GMPS: variants seen among roughly 807,000 people sequenced by gnomAD.
GMPS encodes guanosine monophosphate synthase, also known as GMP synthase [glutamine-hydrolyzing].
GMPS carries 15 observed loss-of-function variants against 77.9 expected under a neutral mutation model. The observed-to-expected ratio is 0.19, with a 90% CI of 0.13 to 0.30. The LOEUF is 0.30. Ranked by LOEUF, GMPS falls within the 10% of genes least tolerant of loss-of-function variation. The pLI is 1.00. For missense variants in GMPS, 590 were observed against 838.8 expected (o/e 0.70, Z 3.66); for synonymous variants, 224 against 275.9 (o/e 0.81, Z 1.86).
At chr3:155,900,393 G>T (rs1397093909) in intron 3 of GMPS, among the ~76,000 whole-genome samples, 1 of 150,900 alleles carries the variant, frequency 6.6e-6, no homozygotes, top group Non-Finnish European at 1.5e-5. Context: ...TTGTCCCAAG[G>T]TGTAATATAT....
chr3:155,870,990 C>A (rs1577492669), intron 1 of GMPS, 93 bp downstream of exon 1: 1 of 1,180,378 alleles, frequency 8.5e-7, no homozygotes, highest in Non-Finnish European at 1.1e-6. Flanking sequence ...CCACCCCCTT[C>A]CCCCAGCCCG....
chr3:155,902,050 G>A (rs1017676082), intron 3 of GMPS, among the ~76,000 whole-genome samples: 2 of 152,170 alleles, frequency 1.3e-5, no homozygotes, highest in African/African-American at 4.8e-5. Context: ...AAGAGGAGAT[G>A]ATCTGATTAG....
intron 1 of GMPS, among the ~76,000 whole-genome samples, chr3:155,883,204 TA>T (rs1754251129): frequency 6.6e-6 from 1 of 152,252 alleles, no homozygotes; most frequent in African/African-American, 2.4e-5. Flanking sequence ...CCCGAGTAAC[TA>T]AAACTGTAGG....
intron 12 of GMPS, among the ~76,000 whole-genome samples, chr3:155,927,547 A>T (rs1755488542): frequency 6.6e-6 from 1 of 152,186 alleles, no homozygotes; most frequent in African/African-American, 2.4e-5. Flanking sequence ...TTCTTTTGTT[A>T]TTGGATAACT....
intron 10 of GMPS, 126 bp downstream of exon 10, chr3:155,919,464 A>G (rs1409777073): frequency 1.7e-6 from 1 of 582,992 alleles, no homozygotes; most frequent in Non-Finnish European, 3.1e-6. Context: ...AAAGGAAAGG[A>G]TGGTTAGGGA....
At chr3:155,906,313 A>G (rs2108094808) in intron 5 of GMPS, 50 bp downstream of exon 5, 1 of 1,057,520 alleles carries the variant, frequency 9.5e-7, no homozygotes, top group East Asian at 2.4e-5. Context: ...CTTTATCTGA[A>G]GAGTAAGCAT....
chr3:155,889,712 T>G (rs1754419024), intron 1 of GMPS, among the ~76,000 whole-genome samples: 1 of 152,252 alleles, frequency 6.6e-6, no homozygotes, highest in African/African-American at 2.4e-5. Flanking sequence ...TTCCAGAATC[T>G]GCTAGATCTT....
intron 2 of GMPS, among the ~76,000 whole-genome samples, chr3:155,896,200 A>G (rs1436653098): frequency 6.6e-6 from 1 of 151,852 alleles, no homozygotes; most frequent in Non-Finnish European, 1.5e-5. Context: ...TAGTAGAGAC[A>G]GGGTTTTGCC....
intron 14 of GMPS, 131 bp downstream of exon 14, chr3:155,935,177 ATGATGTTGCTTTTTTTTCT>A (rs1755732514): frequency 1.4e-6 from 1 of 710,922 alleles, no homozygotes; most frequent in South Asian, 1.8e-5. Context: ...TGAATGTTCT[ATGATGTTGCTTTTTTTTCT>A]TGAGACGGAG....
At position 155,929,603 on chromosome 3, in the gene GMPS, A is replaced by T. The variant is rs534845190; in HGVS notation, c.1561-2162A>T. Among the ~76,000 whole-genome samples, 737 of 146,588 alleles carry T rather than the reference A, an allele frequency of 5.0e-3. 10 individuals carry two copies. The highest frequency in any genetic ancestry group is 0.015 in the South Asian group (62 of 4,134). ...CTGTTTGCAGACAACATGATTGTAT[A>T]TCTAGAAAACCCCACTGTCTCAGCC... On this transcript the variant is annotated intron_variant, in intron 12 of 15. Coordinates refer to ENST00000496455, the MANE Select transcript of GMPS (RefSeq NM_003875.3).
chr3:155,933,999 AAGT>A (rs748896287), intron 13 of GMPS, among the ~76,000 whole-genome samples: 3 of 152,196 alleles, frequency 2.0e-5, no homozygotes, highest in Admixed American at 6.5e-5. Context: ...TTTTGGAAGG[AAGT>A]AGTAGGATAC....
At chr3:155,894,219 A>G (rs1754542837) in intron 2 of GMPS, among the ~76,000 whole-genome samples, 1 of 152,132 alleles carries the variant, frequency 6.6e-6, no homozygotes, top group Non-Finnish European at 1.5e-5. Flanking sequence ...ATTTTTGGTT[A>G]ATGTCATGCT....
chr3:155,889,936 TTTTA>T (rs1417152497), intron 1 of GMPS, among the ~76,000 whole-genome samples: 6 of 152,238 alleles, frequency 3.9e-5, no homozygotes, highest in Admixed American at 3.9e-4. Context: ...TGATGCTGAA[TTTTA>T]TTTGTCTCTG....
chr3:155,871,016 G>C (rs897676320), intron 1 of GMPS, 119 bp downstream of exon 1: 1 of 914,920 alleles, frequency 1.1e-6, no homozygotes, highest in South Asian at 2.4e-5. Context: ...GCAGCCCTGC[G>C]CCCCGGGCAG....
Position 155,903,840 on chromosome 3 carries a change from CATT to C in GMPS, c.325-21_325-19del. ...GTATTTTTCTTTTGATTTCTATTAA[CATT>C]AATTTTTTTCTTTGAACAGATGATG... On this transcript the variant is annotated intron_variant, in intron 3 of 15. Transcript: ENST00000496455. 1 of 983,698 alleles carries C rather than the reference CATT, an allele frequency of 1.0e-6. No individual in the cohort carries two copies. The highest frequency in any genetic ancestry group is 1.5e-6 in the Non-Finnish European group (1 of 662,428). 60.9% of individuals were successfully genotyped at this position (983,698 alleles called of 1,614,324 possible). A position where few individuals can be genotyped will look rare whatever the true frequency, so the allele number is the denominator to read the frequency against.
At chr3:155,880,214 C>A (rs181632244) in intron 1 of GMPS, among the ~76,000 whole-genome samples, 1 of 152,136 alleles carries the variant, frequency 6.6e-6, no homozygotes, top group East Asian at 1.9e-4. Flanking sequence ...AGTTTTTGCT[C>A]TTATTTATGT....
chr3:155,912,035 C>T (rs766750380), intron 7 of GMPS, among the ~76,000 whole-genome samples: 29 of 151,818 alleles, frequency 1.9e-4, no homozygotes, highest in Middle Eastern at 3.4e-3. Flanking sequence ...ATAACATTTA[C>T]TTTTGTAGAT....
rs945326476 is a variant in GMPS at position 155,870,847 on chromosome 3, G to A, written c.-24G>A. 1.3e-6 allele frequency: 2 copies of A among 1,486,780 alleles called. No homozygotes were observed. The allele number at this position is 1,486,780 out of a possible 1,614,324, so 92.1% of individuals were successfully genotyped here. A position where few individuals can be genotyped will look rare whatever the true frequency, so the allele number is the denominator to read the frequency against. On this transcript the variant is annotated 5_prime_UTR_variant, in exon 1 of 16. Coordinates refer to ENST00000496455, the MANE Select transcript of GMPS (RefSeq NM_003875.3). ...CCCGTCTCGTACTGTCGCCGTCACC[G>A]CCGCGGCTCCGGCCCTGGCCCCGAT... is the stretch of plus-strand genomic sequence containing the variant.
intron 1 of GMPS, among the ~76,000 whole-genome samples, chr3:155,885,721 C>G (rs976971202): frequency 6.6e-6 from 1 of 152,188 alleles, no homozygotes; most frequent in Non-Finnish European, 1.5e-5. Flanking sequence ...CAAAATGTTT[C>G]AGATTTTTGG....
Sources: allele counts gnomAD v4.1 joint callset (sites outside exome capture counted in the v4.1 genomes callset), GRCh38; gene constraint gnomAD v4.1.1; transcripts MANE v1.5; gene names NCBI Gene and HGNC (gene_info 2026-07-23, HGNC 2026-07-21).